Variants in LRRC3B observed in about 807,000 individuals in gnomAD.
The protein encoded by LRRC3B is leucine rich repeat containing 3B, also known as leucine-rich repeat-containing protein 3B.
A neutral mutation model predicts 12.8 loss-of-function variants in LRRC3B; 2 were observed. That is an observed-to-expected ratio of 0.16 (90% CI 0.06 to 0.49). The LOEUF is 0.49. LRRC3B is among the 20% of genes least tolerant of loss of function. The pLI is 0.96. For synonymous variants in LRRC3B, 132 were observed against 122.0 expected, an observed-to-expected ratio of 1.08 and a Z score of -0.54; for missense variants, 189 against 319.4, an observed-to-expected ratio of 0.59 and a Z score of 3.11.
intron 1 of LRRC3B, among the ~76,000 whole-genome samples, chr3:26,697,368 T>G (rs1433641081): frequency 6.6e-6 from 1 of 152,192 alleles, no homozygotes; most frequent in Non-Finnish European, 1.5e-5. Context: ...CTTCAATCCT[T>G]ACCTTAGTTG....
intron 1 of LRRC3B, among the ~76,000 whole-genome samples, chr3:26,628,462 C>A (rs917740926): frequency 6.8e-6 from 1 of 146,508 alleles, no homozygotes; most frequent in Non-Finnish European, 1.5e-5. Flanking sequence ...ACCTGAGAAG[C>A]TTTACCCTTA....
At chr3:26,662,753 C>T (rs1268252322) in intron 1 of LRRC3B, among the ~76,000 whole-genome samples, 1 of 152,086 alleles carries the variant, frequency 6.6e-6, no homozygotes, top group Admixed American at 6.6e-5. Flanking sequence ...TGTCACCTTG[C>T]CACCAACTCA....
At chr3:26,647,004 C>T (rs1323497284) in intron 1 of LRRC3B, among the ~76,000 whole-genome samples, 1 of 152,096 alleles carries the variant, frequency 6.6e-6, no homozygotes, top group Non-Finnish European at 1.5e-5. Flanking sequence ...CTCACCTTCC[C>T]AACTCATCTC....
At chr3:26,667,686 A>G (rs375916153) in intron 1 of LRRC3B, among the ~76,000 whole-genome samples, 1 of 152,098 alleles carries the variant, frequency 6.6e-6, no homozygotes, top group African/African-American at 2.4e-5. Flanking sequence ...ATCATATAAT[A>G]TTTTCTTTTT....
chr3:26,669,556 C>G (rs905284433), intron 1 of LRRC3B, among the ~76,000 whole-genome samples: 1 of 152,194 alleles, frequency 6.6e-6, no homozygotes, highest in Non-Finnish European at 1.5e-5. Flanking sequence ...TGTAGCTGAA[C>G]TCCAATTTTC....
chr3:26,657,642 G>C (rs6551127), intron 1 of LRRC3B, among the ~76,000 whole-genome samples: 112,437 of 152,040 alleles, frequency 0.74, 42,024 homozygotes, highest in East Asian at 0.87. Flanking sequence ...TAGAGTGATT[G>C]ATTATTTTCC....
chr3:26,703,461 T>C (rs115475024), intron 1 of LRRC3B, among the ~76,000 whole-genome samples: 1,821 of 152,036 alleles, frequency 0.012, 40 homozygotes, highest in African/African-American at 0.042. Flanking sequence ...AAAAGCATTA[T>C]AGTGGGAAAA....
At chr3:26,697,670 C>T (rs1700352776) in intron 1 of LRRC3B, among the ~76,000 whole-genome samples, 3 of 152,088 alleles carry the variant, frequency 2.0e-5, no homozygotes, top group Admixed American at 1.3e-4. Flanking sequence ...ATTCAAACAT[C>T]CCCCAAAATT....
At chr3:26,699,460 G>A (rs2125457342) in intron 1 of LRRC3B, among the ~76,000 whole-genome samples, 1 of 152,234 alleles carries the variant, frequency 6.6e-6, no homozygotes, top group Non-Finnish European at 1.5e-5. Flanking sequence ...TACTTGGGAA[G>A]CTGAGTTTTG....
intron 1 of LRRC3B, among the ~76,000 whole-genome samples, chr3:26,702,806 G>A (rs1215626749): frequency 6.6e-6 from 1 of 152,122 alleles, no homozygotes; most frequent in Non-Finnish European, 1.5e-5. Flanking sequence ...CCATGAGAAT[G>A]CAAAGCAAGG....
intron 1 of LRRC3B, among the ~76,000 whole-genome samples, chr3:26,679,046 G>A (rs1699918697): frequency 6.6e-6 from 1 of 152,158 alleles, no homozygotes; most frequent in Admixed American, 6.5e-5. Context: ...GAATAAGACA[G>A]CATAGGATTG....
At chr3:26,646,214 T>A (rs1699140270) in intron 1 of LRRC3B, among the ~76,000 whole-genome samples, 1 of 152,184 alleles carries the variant, frequency 6.6e-6, no homozygotes, top group Non-Finnish European at 1.5e-5. Flanking sequence ...AATCCCTGAA[T>A]AATACAGCAG....
intron 1 of LRRC3B, among the ~76,000 whole-genome samples, chr3:26,643,319 CAT>C (rs749680061): frequency 1.3e-5 from 2 of 151,732 alleles, no homozygotes; most frequent in Non-Finnish European, 2.9e-5. Flanking sequence ...TATGAAAACA[CAT>C]ATATAAAACC....
intron 1 of LRRC3B, among the ~76,000 whole-genome samples, chr3:26,695,372 A>G (rs1337384275): frequency 3.3e-5 from 5 of 152,128 alleles, no homozygotes; most frequent in Non-Finnish European, 7.4e-5. Flanking sequence ...CTAAAAATAC[A>G]AAAAATTAGC....
At chr3:26,680,751 C>A (rs1699953947) in intron 1 of LRRC3B, among the ~76,000 whole-genome samples, 1 of 152,218 alleles carries the variant, frequency 6.6e-6, no homozygotes, top group Admixed American at 6.5e-5. Context: ...ATTTTTCCCT[C>A]CTTGTCTCCA....
intron 1 of LRRC3B, among the ~76,000 whole-genome samples, chr3:26,681,983 A>G (rs1699980109): frequency 1.3e-5 from 2 of 152,084 alleles, no homozygotes; most frequent in African/African-American, 2.4e-5. Flanking sequence ...AGTTTAATTT[A>G]TAAATTAGAC....
chr3:26,675,753 A>ATATACAGT (rs1014906705), intron 1 of LRRC3B, among the ~76,000 whole-genome samples: 2 of 152,208 alleles, frequency 1.3e-5, no homozygotes, highest in African/African-American at 4.8e-5. Flanking sequence ...AAATTTGAAA[A>ATATACAGT]TATACAGTGT....
chr3:26,625,720 T>C (rs1477432347), intron 1 of LRRC3B, among the ~76,000 whole-genome samples: 2 of 152,226 alleles, frequency 1.3e-5, no homozygotes, highest in African/African-American at 4.8e-5. Context: ...GTTGCTGAAC[T>C]GTTCTGGGGA....
chr3:26,674,326 T>C (rs2125435455), intron 1 of LRRC3B, among the ~76,000 whole-genome samples: 1 of 152,334 alleles, frequency 6.6e-6, no homozygotes, highest in African/African-American at 2.4e-5. Flanking sequence ...AACATTTACT[T>C]ATGAATGTAA....
Sources: allele counts gnomAD v4.1 joint callset (sites outside exome capture counted in the v4.1 genomes callset), GRCh38; gene constraint gnomAD v4.1.1; transcripts MANE v1.5; gene names NCBI Gene and HGNC (gene_info 2026-07-23, HGNC 2026-07-21).